The following GALNT13 variants were observed in gnomAD, a reference collection of about 807,000 sequenced individuals.
GALNT13 encodes UDP-GalNAc:polypeptide N-acetylgalactosaminyltransferase 13.
Under a neutral mutation model 64.2 loss-of-function variants are expected in GALNT13, and 28 were observed. That is an observed-to-expected ratio of 0.44 (90% CI 0.32 to 0.60). The LOEUF (loss-of-function observed/expected upper bound fraction) is 0.60. Ranked by LOEUF, GALNT13 falls within the 20% of genes least tolerant of loss-of-function variation. The probability of loss-of-function intolerance (pLI) is 0.05; values close to 1 mark genes in which losing one functional copy is unlikely to be tolerated. For synonymous variants in GALNT13, 214 were observed against 224.6 expected (o/e 0.95, Z 0.42); for missense variants, 577 against 669.8 (o/e 0.86, Z 1.53).
the GALNT13 span, among the ~76,000 whole-genome samples, chr2:153,763,531 C>T: frequency 6.6e-6 from 1 of 152,182 alleles, no homozygotes; most frequent in Non-Finnish European, 1.5e-5. Context: ...TGCCTGCCAC[C>T]ATGTAAGACG....
At chr2:153,978,992 T>C (rs1694265666) in intron 3 of GALNT13, among the ~76,000 whole-genome samples, 1 of 152,054 alleles carries the variant, frequency 6.6e-6, no homozygotes, top group South Asian at 2.1e-4. Context: ...AGTAATATGC[T>C]CCTTACGTCA....
At chr2:154,218,013 T>A (rs1004952140) in intron 4 of GALNT13, among the ~76,000 whole-genome samples, 1 of 152,116 alleles carries the variant, frequency 6.6e-6, no homozygotes, top group African/African-American at 2.4e-5. Flanking sequence ...CCTATACTTG[T>A]GAGATCATGA....
chr2:153,835,910 A>G, the GALNT13 span, among the ~76,000 whole-genome samples: 1 of 152,052 alleles, frequency 6.6e-6, no homozygotes, highest in Non-Finnish European at 1.5e-5. Flanking sequence ...TTCTCTAAGT[A>G]ATATGTCCAT....
chr2:153,371,774 G>A, the GALNT13 span, among the ~76,000 whole-genome samples: 4 of 152,152 alleles, frequency 2.6e-5, no homozygotes, highest in Non-Finnish European at 2.9e-5. Context: ...TTCTAGCTGG[G>A]TTTTTGTAGA....
chr2:153,289,775 G>A, the GALNT13 span, among the ~76,000 whole-genome samples: 1 of 152,190 alleles, frequency 6.6e-6, no homozygotes, highest in African/African-American at 2.4e-5. Context: ...GCAGGCCAGT[G>A]TAAACATTTC....
intron 1 of GALNT13, among the ~76,000 whole-genome samples, chr2:153,888,894 C>T (rs1486635542): frequency 2.0e-5 from 3 of 151,972 alleles, no homozygotes; most frequent in African/African-American, 7.2e-5. Context: ...ACTTTCAGAA[C>T]AGTCTTCATT....
chr2:153,193,458 A>T, the GALNT13 span, among the ~76,000 whole-genome samples: 1 of 69,226 alleles, frequency 1.4e-5, no homozygotes, highest in Admixed American at 2.0e-4. Flanking sequence ...GGGTCGGGGG[A>T]GGGGGGAGGG....
At chr2:154,271,569 C>T (rs950553936) in intron 8 of GALNT13, among the ~76,000 whole-genome samples, 1 of 151,790 alleles carries the variant, frequency 6.6e-6, no homozygotes, top group Non-Finnish European at 1.5e-5. Flanking sequence ...TAAACCTAGC[C>T]CTCTTGCATT....
At chr2:154,063,715 T>C (rs1700311832) in intron 3 of GALNT13, among the ~76,000 whole-genome samples, 1 of 152,154 alleles carries the variant, frequency 6.6e-6, no homozygotes, top group Admixed American at 6.5e-5. Flanking sequence ...ATCATACAAT[T>C]TTACTCTCAT....
At chr2:153,482,660 A>C in the GALNT13 span, among the ~76,000 whole-genome samples, 3 of 152,108 alleles carry the variant, frequency 2.0e-5, no homozygotes, top group Non-Finnish European at 4.4e-5. Flanking sequence ...TGGTAGAGAC[A>C]GGCTTTTGCC....
chr2:153,894,726 G>A (rs1687780097), intron 1 of GALNT13, among the ~76,000 whole-genome samples: 1 of 152,076 alleles, frequency 6.6e-6, no homozygotes, highest in Admixed American at 6.6e-5. Context: ...TGGGGTAACA[G>A]CCAACATGTC....
At chr2:154,116,768 T>A (rs1472397131) in intron 3 of GALNT13, among the ~76,000 whole-genome samples, 2 of 152,146 alleles carry the variant, frequency 1.3e-5, no homozygotes, top group East Asian at 3.9e-4. Context: ...TATTAAGCAG[T>A]CAACTTCAGA....
chr2:153,526,714 A>G, the GALNT13 span, among the ~76,000 whole-genome samples: 4 of 152,350 alleles, frequency 2.6e-5, no homozygotes, highest in South Asian at 8.3e-4. Context: ...AAGGCATCAG[A>G]GACCAGTTAT....
chr2:153,807,844 T>C, the GALNT13 span, among the ~76,000 whole-genome samples: 1 of 152,180 alleles, frequency 6.6e-6, no homozygotes, highest in Non-Finnish European at 1.5e-5. Context: ...TTTTGTTTAC[T>C]GTGAGTTCAT....
chr2:153,714,856 T>C, the GALNT13 span, among the ~76,000 whole-genome samples: 2 of 152,234 alleles, frequency 1.3e-5, no homozygotes, highest in African/African-American at 2.4e-5. Context: ...ACTTAGCCCT[T>C]ACCTCCTTCT....
the GALNT13 span, among the ~76,000 whole-genome samples, chr2:153,105,084 G>A: frequency 8.0e-6 from 1 of 124,938 alleles, no homozygotes; most frequent in Non-Finnish European, 1.6e-5. Context: ...CCCTTCCTGT[G>A]TCCATGTGTT....
At chr2:153,187,105 A>C in the GALNT13 span, among the ~76,000 whole-genome samples, 1 of 152,372 alleles carries the variant, frequency 6.6e-6, no homozygotes, top group Admixed American at 6.5e-5. Context: ...CTTGAAAAGA[A>C]AAACTGCTGA....
chr2:154,388,284 G>A (rs533422681), intron 9 of GALNT13, among the ~76,000 whole-genome samples: 1 of 152,172 alleles, frequency 6.6e-6, no homozygotes, highest in Non-Finnish European at 1.5e-5. Context: ...TTTGAGTTGA[G>A]TTCCTCATGT....
chr2:154,089,228 C>G (rs1443925563), intron 3 of GALNT13, among the ~76,000 whole-genome samples: 3 of 152,062 alleles, frequency 2.0e-5, no homozygotes, highest in African/African-American at 7.2e-5. Context: ...ATTCCTGTGT[C>G]TCCCTGCTCT....
Sources: allele counts gnomAD v4.1 joint callset (sites outside exome capture counted in the v4.1 genomes callset), GRCh38; gene constraint gnomAD v4.1.1; transcripts MANE v1.5; gene names NCBI Gene and HGNC (gene_info 2026-07-23, HGNC 2026-07-21).